Variants in DLGAP2 observed in about 807,000 individuals in gnomAD.
The protein encoded by DLGAP2 is disks large-associated protein 2.
Under a neutral mutation model 100.3 loss-of-function variants are expected in DLGAP2, and 26 were observed. That is an observed-to-expected ratio of 0.26 (90% CI 0.19 to 0.36). DLGAP2 has a LOEUF of 0.36. Among genes scored for constraint, DLGAP2 ranks in the 10% least tolerant of loss-of-function variants. The pLI, the probability that DLGAP2 is intolerant of heterozygous loss-of-function variation, is 1.00. For missense variants in DLGAP2, 1,858 were observed against 1,453.2 expected, an observed-to-expected ratio of 1.28 and a Z score of -4.53; for synonymous variants, 886 against 630.1, an observed-to-expected ratio of 1.41 and a Z score of -6.08.
At chr8:819,200 A>T (rs1796540705) in intron 1 of DLGAP2, among the ~76,000 whole-genome samples, 1 of 152,260 alleles carries the variant, frequency 6.6e-6, no homozygotes, top group South Asian at 2.1e-4. Context: ...GCTTTGCCTC[A>T]TAAGTGCAAT....
chr8:1,610,020 G>T (rs1364198553), intron 6 of DLGAP2, among the ~76,000 whole-genome samples: 1 of 151,912 alleles, frequency 6.6e-6, no homozygotes, highest in South Asian at 2.1e-4. Context: ...ATTGAACTCA[G>T]CTCTGTACCA....
At chr8:1,378,476 T>G (rs1350437885) in intron 3 of DLGAP2, among the ~76,000 whole-genome samples, 7 of 151,638 alleles carry the variant, frequency 4.6e-5, no homozygotes, top group African/African-American at 1.7e-4. Flanking sequence ...CGCCTGTCCA[T>G]CCTGCACACA....
rs1410674464 is a variant in DLGAP2, at chr8:1,708,042, G to A, written c.*6636G>A. The A allele has an allele frequency of 6.6e-6, 1 of 152,486 alleles. No homozygotes were observed. The highest frequency in any genetic ancestry group is 1.9e-4 in the East Asian group (1 of 5,204). 9.4% of individuals were successfully genotyped at this position (152,486 alleles called of 1,614,324 possible). A position where few individuals can be genotyped will look rare whatever the true frequency, so the allele number is the denominator to read the frequency against. ...ACCAGAATGTTGGTCATTCCTTTAAGGCAGTTAAGGATTGCTTTATTTGTG... is the reference window on the plus strand; with the variant it reads ...ACCAGAATGTTGGTCATTCCTTTAAAGCAGTTAAGGATTGCTTTATTTGTG... On this transcript the variant is annotated 3_prime_UTR_variant, in exon 15 of 15. Transcript: ENST00000637795.
At chr8:1,312,453 C>A (rs991062171) in intron 3 of DLGAP2, among the ~76,000 whole-genome samples, 1 of 152,106 alleles carries the variant, frequency 6.6e-6, no homozygotes, top group Non-Finnish European at 1.5e-5. Flanking sequence ...AGATTGGTAT[C>A]CAAAATGTAC....
At chr8:1,094,973 C>T (rs1032614421) in intron 2 of DLGAP2, among the ~76,000 whole-genome samples, 1 of 152,206 alleles carries the variant, frequency 6.6e-6, no homozygotes, top group Non-Finnish European at 1.5e-5. Context: ...TCAGGAGCGG[C>T]ACTTCCAGGT....
chr8:817,839 G>A (rs1222250398), intron 1 of DLGAP2, among the ~76,000 whole-genome samples: 1 of 152,218 alleles, frequency 6.6e-6, no homozygotes, highest in African/African-American at 2.4e-5. Flanking sequence ...TGCAGATGTG[G>A]ATACCAGCAC....
Position 887,994 on chromosome 8 carries a change from T to C in DLGAP2, c.19-19918T>C, listed in dbSNP as rs1369909125. Among the ~76,000 whole-genome samples, 3 of 152,314 alleles carry C rather than the reference T, an allele frequency of 2.0e-5. No individual in the cohort carries two copies. In the East Asian group the frequency reaches 5.8e-4, roughly 29 times the overall value. On this transcript the variant is annotated intron_variant, in intron 1 of 14. Transcript: ENST00000637795. ...TTTTCCAGCTTGTTTCCATTCTTCC[T>C]GTCTCCTTCTGGTACTCCAATCAAT...
At chr8:1,324,479 T>G (rs1585260377) in intron 3 of DLGAP2, among the ~76,000 whole-genome samples, 2 of 152,198 alleles carry the variant, frequency 1.3e-5, no homozygotes, top group African/African-American at 2.4e-5. Context: ...GCGACATGTT[T>G]CCACAGGCAG....
At chr8:1,567,002 G>A (rs572545646) in intron 6 of DLGAP2, among the ~76,000 whole-genome samples, 1 of 152,340 alleles carries the variant, frequency 6.6e-6, no homozygotes, top group Admixed American at 6.5e-5. Context: ...CTCCACAGAG[G>A]GTGGTCAGTG....
chr8:1,103,477 T>C (rs1205146145), intron 2 of DLGAP2, among the ~76,000 whole-genome samples: 1 of 141,950 alleles, frequency 7.0e-6, no homozygotes, highest in Admixed American at 6.9e-5. Context: ...CGTTGATGAC[T>C]GGCGGGGCCT....
At chr8:1,695,216 G>A (rs1799353009) in intron 13 of DLGAP2, among the ~76,000 whole-genome samples, 1 of 152,150 alleles carries the variant, frequency 6.6e-6, no homozygotes, top group Admixed American at 6.5e-5. Flanking sequence ...CGGCCCTACA[G>A]AAAGAGGGGC....
chr8:1,061,370 T>C (rs1803077396), intron 2 of DLGAP2, among the ~76,000 whole-genome samples: 1 of 152,092 alleles, frequency 6.6e-6, no homozygotes, highest in South Asian at 2.1e-4. Context: ...GTGTGGAAGC[T>C]GAAATGTGTG....
chr8:1,073,530 A>C (rs1330682738), intron 2 of DLGAP2, among the ~76,000 whole-genome samples: 2 of 152,202 alleles, frequency 1.3e-5, no homozygotes, highest in Admixed American at 6.5e-5. Context: ...ATTCAGGATA[A>C]ATAGCATGCG....
At chr8:1,287,756 G>T (rs1799973128) in intron 3 of DLGAP2, among the ~76,000 whole-genome samples, 1 of 65,452 alleles carries the variant, frequency 1.5e-5, no homozygotes, top group African/African-American at 7.7e-5. Flanking sequence ...ACTAGTTTTG[G>T]TTCAGCGTGT....
At position 1,680,654 on chromosome 8, in the gene DLGAP2, C is replaced by G. The variant is rs560012266; in HGVS notation, c.2704+2025C>G. 2.0e-5 allele frequency: 3 copies of G among 152,344 alleles called. No homozygotes were observed. In the East Asian group the frequency reaches 5.8e-4, roughly 29 times the overall value. The allele number at this position is 152,344 out of a possible 1,614,324, so 9.4% of individuals were successfully genotyped here. ...TGGTGCAAGTCAGCACAGCCGTGTT[C>G]CGATCGTTCACACGGCGTTTGCATT... On this transcript the variant is annotated intron_variant, in intron 12 of 14. Transcript: ENST00000637795.
intron 1 of DLGAP2, among the ~76,000 whole-genome samples, chr8:791,693 T>C (rs768611351): frequency 6.6e-6 from 1 of 152,240 alleles, no homozygotes; most frequent in Admixed American, 6.5e-5. Flanking sequence ...AATTTTAAAA[T>C]TCCTTTAAAA....
intron 10 of DLGAP2, among the ~76,000 whole-genome samples, chr8:1,670,481 C>G (rs534596446): frequency 6.6e-6 from 1 of 152,242 alleles, no homozygotes; most frequent in African/African-American, 2.4e-5. Flanking sequence ...CTCTGGACCC[C>G]AGCCCCACAC....
chr8:1,319,023 C>T (rs368779280), intron 3 of DLGAP2, among the ~76,000 whole-genome samples: 4 of 143,690 alleles, frequency 2.8e-5, no homozygotes, highest in African/African-American at 5.2e-5. Context: ...TGTATCAGTG[C>T]GAGCTCGGTG....
At chr8:1,023,461 G>A (rs1232021893) in intron 2 of DLGAP2, among the ~76,000 whole-genome samples, 1 of 152,166 alleles carries the variant, frequency 6.6e-6, no homozygotes, top group South Asian at 2.1e-4. Flanking sequence ...CTCCCCTGTA[G>A]CGGGCACTGT....
Sources: gnomAD v4.1 joint callset for allele counts (sites outside exome capture counted in the v4.1 genomes callset) on GRCh38, gnomAD v4.1.1 for gene constraint, MANE v1.5 for transcripts, NCBI Gene and HGNC (gene_info 2026-07-23, HGNC 2026-07-21) for gene names.